Variants in MXRA5 observed in about 807,000 individuals in gnomAD.
The protein encoded by MXRA5 is matrix remodeling associated 5.
In MXRA5, 41 loss-of-function variants were observed where a neutral mutation model predicts 112.5. The ratio of observed to expected loss-of-function variants is 0.36; its 90% confidence interval spans 0.28 to 0.47. The LOEUF (loss-of-function observed/expected upper bound fraction) is 0.47, where lower values mean the gene tolerates loss of function less well. Ranked by LOEUF, MXRA5 falls within the 20% of genes least tolerant of loss-of-function variation. The pLI, the probability that MXRA5 is intolerant of heterozygous loss-of-function variation, is 0.99. For synonymous variants in MXRA5, 862 were observed against 900.8 expected (o/e 0.96, Z 0.77); for missense variants, 2,150 against 2,251.0 (o/e 0.96, Z 0.91).
chrX:3,328,033 C>A (rs1365243963), intron 4 of MXRA5, among the ~76,000 whole-genome samples: 1 of 112,509 alleles, frequency 8.9e-6, no homozygotes, highest in Non-Finnish European at 1.9e-5. Flanking sequence ...AGTGTTGCTG[C>A]TACAAAATAG....
Position 3,317,353 on chromosome X carries a change from G to A in MXRA5, c.6328C>T (p.Arg2110Cys), listed in dbSNP as rs766069237. Residue 2110 changes from arginine (R) to cysteine (C), a missense_variant, in exon 6 of 7, where the codon CGC (arginine) becomes TGC (cysteine). Arg to Cys is a radical substitution (Grantham distance 180, BLOSUM62 -3). This residue lies in a region of MXRA5 where 1,485 missense variants were observed against 1,471.6 expected (regional missense o/e 1.01). Coordinates refer to ENST00000217939, the MANE Select transcript of MXRA5 (RefSeq NM_015419.4). ...FVFPNGTLYIRNLAPKDSGRY... is the reference protein window; with the variant it reads ...FVFPNGTLYICNLAPKDSGRY... ...CCGCTGTCCTTGGGCGCGAGGTTGC[G>A]GATGTAGAGCGTCCCGTTGGGGAAA... is the stretch of plus-strand genomic sequence containing the variant. 12 of 1,208,714 alleles carry A rather than the reference G, an allele frequency of 9.9e-6. No homozygotes were observed. The highest frequency in any genetic ancestry group is 1.3e-5 in the Non-Finnish European group (12 of 894,386).
rs750510407 is a variant in MXRA5, at chrX:3,321,158, AGTG to A, written c.4524_4526del (p.Thr1509del). 12 of 1,210,005 alleles carry A rather than the reference AGTG, an allele frequency of 9.9e-6. No individual in the cohort carries two copies. In the East Asian group the frequency reaches 2.4e-4, roughly 24 times the overall value. On this transcript the variant is annotated inframe_deletion, in exon 5 of 7. Coordinates refer to ENST00000217939, the MANE Select transcript of MXRA5 (RefSeq NM_015419.4). The stretch of plus-strand genomic sequence containing the variant: ...TTCTTGGACTGGGAAGTGCTGGCTT[AGTG>A]GTGGTGGTTTGTCCCAAAGACATGA...
At chrX:3,343,575 A>T in intron 2 of MXRA5, 71 bp downstream of exon 2, 1 of 1,003,064 alleles carries the variant, frequency 1.0e-6, no homozygotes, top group Non-Finnish European at 1.4e-6. Flanking sequence ...AAATGCACAT[A>T]CACACACGCA....
At chrX:3,333,174 A>G (rs1373921656) in intron 2 of MXRA5, among the ~76,000 whole-genome samples, 1 of 107,591 alleles carries the variant, frequency 9.3e-6, no homozygotes. Context: ...GTGATGGTGC[A>G]TGCCTGTGGT....
At position 3,321,644 on chromosome X, in the gene MXRA5, T is replaced by C; in HGVS notation, c.4041A>G (p.Ser1347=). The change falls in exon 5 of 7, where the codon TCA becomes TCG. Residue 1347 remains serine, a synonymous_variant. Transcript: ENST00000217939. ...GAGAAGTTGGTATGGCATTAGTAAT[T>C]GATTCACCAGTGACTAAAATGTCAC... ...HKSDILVTGE[S]ITNAIPTSRS... 1 of 1,211,374 alleles carries C rather than the reference T, an allele frequency of 8.3e-7. No homozygotes were observed. The highest frequency in any genetic ancestry group is 1.1e-6 in the Non-Finnish European group (1 of 895,130).
chrX:3,343,825 C>T lies in MXRA5; in HGVS notation c.9G>A (p.Lys3=). The change falls in exon 2 of 7, where the codon AAG becomes AAA. Residue 3 remains lysine (K), a synonymous_variant. Transcript: ENST00000217939. MP[K]RAHWGALSVV... is the part of the protein sequence containing the mutation. ...CGGAGAGGGCCCCCCAGTGCGCGCG[C>T]TTGGGCATCTTGTCGGGGTGCCTGA... 1.7e-6 allele frequency: 2 copies of T among 1,200,516 alleles called. No homozygotes were observed. Among genetic ancestry groups the T allele is most frequent in the Non-Finnish European group, 2.3e-6 (2 of 888,037 alleles).
At chrX:3,335,407 G>A (rs757170302) in intron 2 of MXRA5, among the ~76,000 whole-genome samples, 2 of 111,920 alleles carry the variant, frequency 1.8e-5, no homozygotes, top group South Asian at 3.8e-4. Context: ...ATGTTGGCCA[G>A]GCTGGTCTCA....
intron 1 of MXRA5, among the ~76,000 whole-genome samples, chrX:3,344,492 G>A (rs1922061892): frequency 9.0e-6 from 1 of 111,236 alleles, no homozygotes; most frequent in African/African-American, 3.3e-5. Context: ...GCTGTTAATC[G>A]GGGAGGAAGT....
intron 6 of MXRA5, among the ~76,000 whole-genome samples, chrX:3,312,513 A>G (rs1357425636): frequency 9.0e-6 from 1 of 110,919 alleles, no homozygotes; most frequent in East Asian, 2.8e-4. Flanking sequence ...TCTCAATTAC[A>G]CATACATTAT....
intron 6 of MXRA5, among the ~76,000 whole-genome samples, chrX:3,316,745 T>A (rs1286096144): frequency 9.2e-6 from 1 of 108,967 alleles, no homozygotes. Context: ...GGCATGATCT[T>A]GGCTCACTGC....
Position 3,322,911 on chromosome X carries a change from T to A in MXRA5, c.2774A>T (p.His925Leu). 8.3e-7 allele frequency: 1 copy of A among 1,211,616 alleles called. No homozygotes were observed. The highest frequency in any genetic ancestry group is 1.1e-6 in the Non-Finnish European group (1 of 895,500). The change falls in exon 5 of 7, where the codon CAC becomes CTC. Residue 925 changes from histidine to leucine, a missense_variant. By Grantham distance (99) the His-to-Leu change is moderately conservative. Coordinates refer to ENST00000217939, the MANE Select transcript of MXRA5 (RefSeq NM_015419.4). ...SEPYEPSPTL[H>L]TLDTVYEKPT... ...CTTTTCATAGACTGTGTCTAATGTG[T>A]GCAGAGTAGGAGATGGTTCATAAGG...
rs1921083825 is a variant in MXRA5, at chrX:3,315,394, T to TAGATAGATAGATAGAC, written c.6578+1708_6578+1709insGTCTATCTATCTATCT. Among the ~76,000 whole-genome samples the TAGATAGATAGATAGAC allele has an allele frequency of 3.0e-4, 8 of 26,827 alleles. 1 individual carries two copies. The highest frequency in any genetic ancestry group is 4.0e-4 in the Non-Finnish European group (6 of 15,050). The allele number at this position is 26,827 out of a possible 115,157, so 23.3% of individuals were successfully genotyped here. On this transcript the variant is annotated intron_variant, in intron 6 of 6. Transcript: ENST00000217939. ...ATAGAATAGATAGATAGATAGATGA[T>TAGATAGATAGATAGAC]AGATAGATAGATAGATAGATAGATA...
intron 6 of MXRA5, among the ~76,000 whole-genome samples, chrX:3,313,468 C>A (rs1353209460): frequency 9.0e-6 from 1 of 111,725 alleles, no homozygotes; most frequent in Non-Finnish European, 1.9e-5. Context: ...CCATATTGGT[C>A]AGGCTGGTCT....
chrX:3,310,895 G>C lies in MXRA5; in HGVS notation c.7308C>G (p.Asn2436Lys). 1 of 1,211,464 alleles carries C rather than the reference G, an allele frequency of 8.3e-7. No homozygotes were observed. Among genetic ancestry groups the C allele is most frequent in the Non-Finnish European group, 1.1e-6 (1 of 895,470 alleles). Reference sequence around the variant, plus strand: ...TACCGTTGATCTTGGGTGGCTGGACGTTGACGTGAATCCACACCGTCTTCC... The same window carrying C: ...TACCGTTGATCTTGGGTGGCTGGACCTTGACGTGAATCCACACCGTCTTCC... Reference protein sequence around the residue: ...EDRKTVWIHVNVQPPKINGNP... With the variant: ...EDRKTVWIHVKVQPPKINGNP... The change falls in exon 7 of 7, where the codon AAC becomes AAG. Residue 2436 changes from asparagine to lysine, a missense_variant. Physicochemically the swap from Asn to Lys is moderately conservative, Grantham distance 94. This residue lies in a region of MXRA5 where 93 missense variants were observed against 135.5 expected (regional missense o/e 0.69). Coordinates refer to ENST00000217939, the MANE Select transcript of MXRA5 (RefSeq NM_015419.4).
chrX:3,317,019 G>A (rs1197193422), intron 6 of MXRA5, 84 bp downstream of exon 6: 2 of 967,524 alleles, frequency 2.1e-6, no homozygotes, highest in Non-Finnish European at 2.7e-6. Context: ...AGCAACGTGT[G>A]TGCATATTCA....
intron 2 of MXRA5, among the ~76,000 whole-genome samples, chrX:3,331,877 G>C (rs764842355): frequency 2.7e-5 from 3 of 112,089 alleles, no homozygotes; most frequent in African/African-American, 3.2e-5. Context: ...AAGCCTGCAC[G>C]CTGTTACCAT....
intron 4 of MXRA5, 107 bp from the exon 5 acceptor site, chrX:3,325,082 T>C: frequency 1.1e-6 from 1 of 929,703 alleles, no homozygotes. Flanking sequence ...CACCCAGCTG[T>C]AATCCCATAA....
intron 2 of MXRA5, among the ~76,000 whole-genome samples, chrX:3,338,730 T>A (rs1406822673): frequency 9.1e-6 from 1 of 110,319 alleles, no homozygotes; most frequent in Non-Finnish European, 1.9e-5. Context: ...CATAGATAGA[T>A]TGATAGATAG....
intron 1 of MXRA5, 73 bp downstream of exon 1, chrX:3,346,442 T>G: frequency 1.5e-6 from 1 of 653,040 alleles, no homozygotes; most frequent in South Asian, 7.9e-5. Flanking sequence ...TTCCCTTGGG[T>G]GTCTCAAATC....
Sources: allele counts gnomAD v4.1 joint callset (sites outside exome capture counted in the v4.1 genomes callset), GRCh38; gene constraint gnomAD v4.1.1; regional missense constraint gnomAD v4.1.1; transcripts MANE v1.5; gene names NCBI Gene and HGNC (gene_info 2026-07-23, HGNC 2026-07-21).